Variants in STPG2 observed in about 807,000 individuals in gnomAD.
The protein encoded by STPG2 is sperm tail PG-rich repeat containing 2, also known as sperm-tail PG-rich repeat-containing protein 2.
Under a neutral mutation model 54.2 loss-of-function variants are expected in STPG2, and 56 were observed. The observed-to-expected ratio is 1.03, with a 90% CI of 0.83 to 1.29. STPG2 has a LOEUF of 1.29. Ranked by LOEUF, STPG2 falls within the 50% of genes most tolerant of loss-of-function variation. The pLI, the probability that STPG2 is intolerant of heterozygous loss-of-function variation, is 0.00. For missense variants in STPG2, 596 were observed against 544.9 expected, an observed-to-expected ratio of 1.09 and a Z score of -0.93; for synonymous variants, 200 against 181.8, an observed-to-expected ratio of 1.10 and a Z score of -0.81.
At chr4:97,876,831 CTA>C (rs1423739064) in intron 8 of STPG2, among the ~76,000 whole-genome samples, 1 of 151,808 alleles carries the variant, frequency 6.6e-6, no homozygotes, top group African/African-American at 2.4e-5. Flanking sequence ...CAAAGAGACT[CTA>C]TGTTTTCTTA....
At chr4:98,003,342 C>T (rs1288900433) in intron 5 of STPG2, among the ~76,000 whole-genome samples, 2 of 151,902 alleles carry the variant, frequency 1.3e-5, no homozygotes, top group Non-Finnish European at 2.9e-5. Flanking sequence ...GTTGCTCATG[C>T]TCTGTTGGAA....
chr4:97,653,825 G>A (rs560742348), intron 10 of STPG2, among the ~76,000 whole-genome samples: 1 of 152,242 alleles, frequency 6.6e-6, no homozygotes, highest in East Asian at 1.9e-4. Flanking sequence ...AGCAATGGCA[G>A]GGGAGGGAAA....
chr4:97,782,549 G>A lies in STPG2; in HGVS notation c.1204+58224C>T, dbSNP rs141777425. Among the ~76,000 whole-genome samples the A allele has an allele frequency of 3.3e-3, 502 of 152,230 alleles. 1 individual carries two copies. Among genetic ancestry groups the A allele is most frequent in the Non-Finnish European group, 5.8e-3 (394 of 68,008 alleles). ...ATGCCATCCCCATCAAGCTACCAAT[G>A]ACTTTCTTCACAGAATTCAAAAAAA... On this transcript the variant is annotated intron_variant, in intron 9 of 10. Coordinates refer to ENST00000295268, the MANE Select transcript of STPG2 (RefSeq NM_174952.3).
At chr4:97,551,122 G>A (rs1229957731) in intron 4 of STPG2, among the ~76,000 whole-genome samples, 8 of 151,962 alleles carry the variant, frequency 5.3e-5, no homozygotes, top group African/African-American at 1.5e-4. Context: ...TGATTGGTCC[G>A]TTTTTACAGA....
chr4:97,626,249 T>C (rs1695252320), intron 10 of STPG2, among the ~76,000 whole-genome samples: 1 of 152,200 alleles, frequency 6.6e-6, no homozygotes, highest in South Asian at 2.1e-4. Flanking sequence ...ACCCTGGCCA[T>C]ATGTAGCTGT....
At chr4:97,815,610 A>G (rs1391856509) in intron 9 of STPG2, among the ~76,000 whole-genome samples, 1 of 152,170 alleles carries the variant, frequency 6.6e-6, no homozygotes, top group African/African-American at 2.4e-5. Context: ...TGTTAATTTT[A>G]CATAATACCA....
chr4:97,873,265 CTAA>C (rs1447880474), intron 8 of STPG2, among the ~76,000 whole-genome samples: 2 of 150,196 alleles, frequency 1.3e-5, no homozygotes, highest in Non-Finnish European at 3.0e-5. Flanking sequence ...ACTCCTTTCT[CTAA>C]TAATAAGAAA....
At chr4:97,645,074 T>C (rs139514733) in intron 10 of STPG2, among the ~76,000 whole-genome samples, 5 of 152,196 alleles carry the variant, frequency 3.3e-5, no homozygotes, top group Non-Finnish European at 5.9e-5. Flanking sequence ...ATTTCTCTGA[T>C]AACTTTAAAA....
chr4:97,928,091 A>T (rs1038822568), intron 8 of STPG2, among the ~76,000 whole-genome samples: 1 of 152,160 alleles, frequency 6.6e-6, no homozygotes, highest in Non-Finnish European at 1.5e-5. Flanking sequence ...TTCACTTTTA[A>T]CCTGCATAGG....
intron 9 of STPG2, among the ~76,000 whole-genome samples, chr4:97,823,764 G>C (rs1441580877): frequency 1.3e-5 from 2 of 152,122 alleles, no homozygotes; most frequent in Admixed American, 1.3e-4. Flanking sequence ...GCTAACTCCG[G>C]GTAAGTGGGA....
chr4:97,494,851 A>G (rs1344225342), intron 4 of STPG2, among the ~76,000 whole-genome samples: 1 of 151,628 alleles, frequency 6.6e-6, no homozygotes, highest in Non-Finnish European at 1.5e-5. Flanking sequence ...TTTTGCCATC[A>G]TAATAATTAA....
At chr4:98,131,740 A>G (rs1178801041) in intron 2 of STPG2, among the ~76,000 whole-genome samples, 1 of 152,124 alleles carries the variant, frequency 6.6e-6, no homozygotes. Context: ...AACATACCAC[A>G]TACTAGTATT....
chr4:97,491,513 GA>G (rs1730503178), intron 4 of STPG2, among the ~76,000 whole-genome samples: 1 of 151,400 alleles, frequency 6.6e-6, no homozygotes, highest in Non-Finnish European at 1.5e-5. Flanking sequence ...GCTATACATA[GA>G]AAGAAATGGC....
At chr4:97,759,467 T>A (rs986773207) in intron 9 of STPG2, among the ~76,000 whole-genome samples, 2 of 152,056 alleles carry the variant, frequency 1.3e-5, no homozygotes, top group Admixed American at 6.6e-5. Flanking sequence ...GAAAAAATAA[T>A]CCAGGTGGTG....
rs1445499421 is a variant in STPG2, at chr4:97,889,207, C to A, written c.1045-48275G>T. 2.6e-5 allele frequency among the ~76,000 whole-genome samples: 4 copies of A among 152,138 alleles called. No individual in the cohort carries two copies. The East Asian group carries it at 5.8e-4, about 22-fold the overall frequency. The stretch of plus-strand genomic sequence containing the variant: ...TGCAAGCATACAGAGAAAAGGGAAA[C>A]CTAGCACACTGTTGGTGGGGATGTA... On this transcript the variant is annotated intron_variant, in intron 8 of 10. Transcript: ENST00000295268.
intron 5 of STPG2, among the ~76,000 whole-genome samples, chr4:98,069,055 T>C (rs891142380): frequency 4.6e-5 from 7 of 152,100 alleles, no homozygotes; most frequent in African/African-American, 1.7e-4. Flanking sequence ...AGAATTTAAG[T>C]AACCAAACAT....
At chr4:97,829,186 A>C (rs1578600328) in intron 9 of STPG2, among the ~76,000 whole-genome samples, 1 of 152,158 alleles carries the variant, frequency 6.6e-6, no homozygotes. Flanking sequence ...AACAGGCGGC[A>C]ATATCTTTGC....
chr4:98,006,443 G>A (rs1244051444), intron 5 of STPG2, among the ~76,000 whole-genome samples: 2 of 152,188 alleles, frequency 1.3e-5, no homozygotes, highest in Non-Finnish European at 2.9e-5. Flanking sequence ...CCCTATGCAT[G>A]TTCTCAGATC....
At chr4:97,517,785 T>G (rs1341193499) in intron 4 of STPG2, among the ~76,000 whole-genome samples, 3 of 152,090 alleles carry the variant, frequency 2.0e-5, no homozygotes, top group Non-Finnish European at 2.9e-5. Flanking sequence ...AAACAATAAC[T>G]TAAAAGACTC....
Sources: gnomAD v4.1 joint callset for allele counts (sites outside exome capture counted in the v4.1 genomes callset) on GRCh38, gnomAD v4.1.1 for gene constraint, MANE v1.5 for transcripts, NCBI Gene and HGNC (gene_info 2026-07-23, HGNC 2026-07-21) for gene names.